MBNL1: variants seen among roughly 807,000 people sequenced by gnomAD.
The protein encoded by MBNL1 is muscleblind like splicing regulator 1.
In MBNL1, 8 loss-of-function variants were observed where a neutral mutation model predicts 42.2. The observed-to-expected ratio is 0.19, with a 90% CI of 0.11 to 0.34. MBNL1 has a LOEUF of 0.34. Ranked by LOEUF, MBNL1 falls within the 10% of genes least tolerant of loss-of-function variation. MBNL1 has a pLI of 1.00. For missense variants in MBNL1, 309 were observed against 495.3 expected, an observed-to-expected ratio of 0.62 and a Z score of 3.57; for synonymous variants, 169 against 173.9, an observed-to-expected ratio of 0.97 and a Z score of 0.22.
intron 3 of MBNL1, among the ~76,000 whole-genome samples, chr3:152,430,427 T>C (rs1408908876): frequency 6.6e-6 from 1 of 152,204 alleles, no homozygotes; most frequent in African/African-American, 2.4e-5. Context: ...GGAATGATAA[T>C]GAATAGCTTC....
chr3:152,282,962 A>G lies in MBNL1; in HGVS notation c.-790+13870A>G, dbSNP rs546867609. On this transcript the variant is annotated intron_variant, in intron 1 of 9. Transcript: ENST00000324210. Reference sequence around the variant, plus strand: ...GCTCCAGTTTTGCCACTCACTATGCAGAATGCTGTGACAGCCAGGGCTGAT... The same window carrying G: ...GCTCCAGTTTTGCCACTCACTATGCGGAATGCTGTGACAGCCAGGGCTGAT... 1.5e-4 allele frequency among the ~76,000 whole-genome samples: 23 copies of G among 152,346 alleles called. No homozygotes were observed. The South Asian group carries it at 2.7e-3, about 18-fold the overall frequency.
Position 152,384,014 on chromosome 3 carries a change from T to C in MBNL1, c.175-30927T>C, listed in dbSNP as rs529161416. Among the ~76,000 whole-genome samples the C allele has an allele frequency of 1.4e-4, 22 of 152,252 alleles. 2 individuals are homozygous for C. Among genetic ancestry groups the C allele is most frequent in the African/African-American group, 5.3e-4 (22 of 41,570 alleles). ...GTTAAATGAGAATTTGGCTTTGCAATGTGTATTCGTTATTTGGGTAATGAA... is the reference window on the plus strand; with the variant it reads ...GTTAAATGAGAATTTGGCTTTGCAACGTGTATTCGTTATTTGGGTAATGAA... On this transcript the variant is annotated intron_variant, in intron 2 of 9. Coordinates refer to ENST00000324210, the MANE Select transcript of MBNL1 (RefSeq NM_021038.5).
At chr3:152,337,202 T>C (rs1367784034) in intron 2 of MBNL1, among the ~76,000 whole-genome samples, 1 of 152,204 alleles carries the variant, frequency 6.6e-6, no homozygotes, top group Non-Finnish European at 1.5e-5. Context: ...TGAAGGCTTG[T>C]GAGTAGTTGA....
At chr3:152,349,124 C>CCT (rs143820181) in intron 2 of MBNL1, among the ~76,000 whole-genome samples, 578 of 152,150 alleles carry the variant, frequency 3.8e-3, no homozygotes, top group African/African-American at 0.013. Context: ...GCTATCAAGA[C>CCT]CTCTCCTGGG....
chr3:152,355,695 T>G (rs1176837185), intron 2 of MBNL1, among the ~76,000 whole-genome samples: 1 of 152,214 alleles, frequency 6.6e-6, no homozygotes, highest in Non-Finnish European at 1.5e-5. Flanking sequence ...AATCAAATTA[T>G]TACATATAGT....
At chr3:152,439,492 T>C (rs532253221) in intron 4 of MBNL1, among the ~76,000 whole-genome samples, 1 of 152,196 alleles carries the variant, frequency 6.6e-6, no homozygotes, top group Non-Finnish European at 1.5e-5. Context: ...TGTGACTTTT[T>C]TTACTATCTC....
chr3:152,374,211 G>A (rs1420924457), intron 2 of MBNL1, among the ~76,000 whole-genome samples: 1 of 152,070 alleles, frequency 6.6e-6, no homozygotes, highest in Non-Finnish European at 1.5e-5. Context: ...TTTATTATTT[G>A]CAAATCATCT....
chr3:152,363,178 A>G (rs2096110461), intron 2 of MBNL1, among the ~76,000 whole-genome samples: 1 of 152,250 alleles, frequency 6.6e-6, no homozygotes, highest in Non-Finnish European at 1.5e-5. Context: ...CATTTGTTTT[A>G]TAATTTTATT....
intron 2 of MBNL1, among the ~76,000 whole-genome samples, chr3:152,329,039 C>T (rs1560166970): frequency 6.6e-6 from 1 of 151,744 alleles, no homozygotes; most frequent in Non-Finnish European, 1.5e-5. Flanking sequence ...GAAAAACTGA[C>T]AGAGTAGAAT....
chr3:152,334,977 A>C (rs1216464819), intron 2 of MBNL1: 2 of 706,294 alleles, frequency 2.8e-6, no homozygotes, highest in Non-Finnish European at 4.0e-6. Context: ...TGTAAATAAG[A>C]ATGCTTTGGC....
chr3:152,451,310 CTTTAACT>C (rs985709524), intron 6 of MBNL1, among the ~76,000 whole-genome samples: 5 of 152,178 alleles, frequency 3.3e-5, no homozygotes, highest in Non-Finnish European at 4.4e-5. Flanking sequence ...TTACTACATA[CTTTAACT>C]TTTAAGAACA....
chr3:152,249,045 T>C (rs62272724), intron 2 of MBNL1, among the ~76,000 whole-genome samples: 143,758 of 149,448 alleles, frequency 0.96, 69,190 homozygotes, highest in East Asian at 1. Flanking sequence ...GGTTCTAAGT[T>C]TTTGCTATTG....
chr3:152,390,727 G>A lies in MBNL1; in HGVS notation c.175-24214G>A, dbSNP rs568845243. Among the ~76,000 whole-genome samples, 7 of 151,976 alleles carry A rather than the reference G, an allele frequency of 4.6e-5. No homozygotes were observed. In the South Asian group the frequency reaches 1.5e-3, roughly 32 times the overall value. ...AATGAAATGCCATACCTTCTTTATT[G>A]TAGTGGCAAATCAAAGCTAAGTAGC... On this transcript the variant is annotated intron_variant, in intron 2 of 9. Transcript: ENST00000324210.
At chr3:152,405,695 A>G (rs2098409877) in intron 2 of MBNL1, among the ~76,000 whole-genome samples, 1 of 152,202 alleles carries the variant, frequency 6.6e-6, no homozygotes, top group Non-Finnish European at 1.5e-5. Flanking sequence ...GGAAAGCTCT[A>G]GAAATTTAAT....
At chr3:152,255,316 A>G (rs574283243) in intron 2 of MBNL1, among the ~76,000 whole-genome samples, 5 of 152,134 alleles carry the variant, frequency 3.3e-5, no homozygotes, top group Non-Finnish European at 5.9e-5. Context: ...GAAAATTTTC[A>G]AAGAAATAAA....
At chr3:152,291,185 T>G (rs773799929) in intron 1 of MBNL1, among the ~76,000 whole-genome samples, 1 of 152,204 alleles carries the variant, frequency 6.6e-6, no homozygotes, top group Non-Finnish European at 1.5e-5. Flanking sequence ...CATTATACCT[T>G]CTTGTAGAAG....
chr3:152,256,568 A>C (rs565198959), intron 2 of MBNL1, among the ~76,000 whole-genome samples: 1 of 152,280 alleles, frequency 6.6e-6, no homozygotes, highest in Non-Finnish European at 1.5e-5. Flanking sequence ...TGGTAATTAT[A>C]TTCCCTATGA....
chr3:152,322,376 G>C (rs1338333584), intron 2 of MBNL1, among the ~76,000 whole-genome samples: 2 of 152,006 alleles, frequency 1.3e-5, no homozygotes, highest in East Asian at 3.9e-4. Context: ...CAAACTATTA[G>C]ACTAATTATA....
intron 2 of MBNL1, among the ~76,000 whole-genome samples, chr3:152,413,732 T>C (rs970254824): frequency 8.5e-5 from 13 of 152,200 alleles, no homozygotes; most frequent in African/African-American, 2.4e-4. Context: ...TAATCTTTCT[T>C]TTATTCTACT....
Sources: gnomAD v4.1 joint callset for allele counts (sites outside exome capture counted in the v4.1 genomes callset) on GRCh38, gnomAD v4.1.1 for gene constraint, MANE v1.5 for transcripts, NCBI Gene and HGNC (gene_info 2026-07-23, HGNC 2026-07-21) for gene names.